Variants in CEP97 observed in about 807,000 individuals in gnomAD.
The protein encoded by CEP97 is centrosomal protein 97.
CEP97 carries 43 observed loss-of-function variants against 73.1 expected under a neutral mutation model. That is an observed-to-expected ratio of 0.59 (90% CI 0.46 to 0.76). CEP97 has a LOEUF of 0.76. Ranked by LOEUF, CEP97 falls within the 30% of genes least tolerant of loss-of-function variation. CEP97 has a pLI of 0.00. For synonymous variants in CEP97, 337 were observed against 370.0 expected, an observed-to-expected ratio of 0.91 and a Z score of 1.02; for missense variants, 939 against 1,014.0, an observed-to-expected ratio of 0.93 and a Z score of 1.00.
intron 10 of CEP97, chr3:101,763,310 A>T: frequency 1.2e-6 from 1 of 805,960 alleles, no homozygotes; most frequent in Non-Finnish European, 1.6e-6. Context: ...TTATAGAATA[A>T]TAATACTGTG....
Position 101,765,132 on chromosome 3 carries a change from G to C in CEP97, c.2179G>C (p.Gly727Arg). Residue 727 changes from glycine to arginine, a missense_variant, in exon 11 of 11, where the codon GGC becomes CGC. Physicochemically the swap from Gly to Arg is moderately radical, Grantham distance 125. Transcript: ENST00000341893. The part of the protein sequence containing the change: ...SLDFEKSSTE[G>R]SESSIMGNSI... ...GGATTTTGAGAAAAGTTCCACAGAA[G>C]GCAGTGAAAGCTCCATAATGGGGAA... 6.2e-7 allele frequency: 1 copy of C among 1,614,176 alleles called. No homozygotes were observed. Among genetic ancestry groups the C allele is most frequent in the Non-Finnish European group, 8.5e-7 (1 of 1,180,030 alleles).
intron 10 of CEP97, chr3:101,763,166 T>C: frequency 7.9e-7 from 1 of 1,267,880 alleles, no homozygotes; most frequent in African/African-American, 1.5e-5. Context: ...TCAAGCAGTC[T>C]TCCCTCCTCA....
At chr3:101,732,306 T>C (rs1195591914) in intron 5 of CEP97, among the ~76,000 whole-genome samples, 182 bp from the exon 6 acceptor site, 1 of 152,220 alleles carries the variant, frequency 6.6e-6, no homozygotes, top group Non-Finnish European at 1.5e-5. Flanking sequence ...CAGGGGATTT[T>C]GTGCAGCAGG....
At chr3:101,756,910 C>T (rs543463409) in intron 7 of CEP97, among the ~76,000 whole-genome samples, 153 bp from the exon 8 acceptor site, 5 of 152,312 alleles carry the variant, frequency 3.3e-5, no homozygotes, top group Non-Finnish European at 7.4e-5. Context: ...TTATCCAGTG[C>T]TTTCAAATGA....
At chr3:101,725,405 T>C (rs1937846343) in intron 1 of CEP97, among the ~76,000 whole-genome samples, 1 of 152,128 alleles carries the variant, frequency 6.6e-6, no homozygotes, top group Non-Finnish European at 1.5e-5. Context: ...CAGTCAGTCC[T>C]CTAAATCGGG....
rs763820022 is a variant in CEP97 at position 101,758,309 on chromosome 3, G to C, written c.1703G>C (p.Cys568Ser). 1.9e-6 allele frequency: 3 copies of C among 1,614,134 alleles called. No individual in the cohort carries two copies. In the African/African-American group the frequency reaches 4.0e-5, roughly 22 times the overall value. Residue 568 changes from cysteine (C) to serine (S), a missense_variant, in exon 9 of 11, where the codon TGT becomes TCT. By Grantham distance (112) the Cys-to-Ser change is moderately radical. Transcript: ENST00000341893. ...LNDAATKLQA[C>S]WRGFYARNYN... is the part of the protein sequence containing the mutation. The stretch of plus-strand genomic sequence containing the variant: ...GATGCAGCCACCAAGCTTCAGGCCT[G>C]TTGGCGGGGATTTTATGCCAGGAAC...
At chr3:101,730,232 T>A (rs930263489) in intron 4 of CEP97, among the ~76,000 whole-genome samples, 2 of 29,636 alleles carry the variant, frequency 6.7e-5, no homozygotes, top group Non-Finnish European at 1.5e-4. Flanking sequence ...GAGTCTGTTT[T>A]TTTGTTTTGT....
chr3:101,742,596 G>T (rs905493907), intron 6 of CEP97, among the ~76,000 whole-genome samples: 1 of 152,108 alleles, frequency 6.6e-6, no homozygotes, highest in Non-Finnish European at 1.5e-5. Context: ...TTGGGTGGGG[G>T]CTAGGGGAGT....
At position 101,727,470 on chromosome 3, in the gene CEP97, A is replaced by G; in HGVS notation, c.274A>G (p.Ile92Val). The G allele has an allele frequency of 6.2e-7, 1 of 1,613,992 alleles. No individual in the cohort carries two copies. The highest frequency in any genetic ancestry group is 8.5e-7 in the Non-Finnish European group (1 of 1,179,916). ...LRVLNLPHNS[I>V]GCVEGLKELV... The stretch of plus-strand genomic sequence containing the variant: ...TGTATTAAATTTGCCTCATAATAGC[A>G]TTGGCTGTGTGGAAGGGCTAAAGGA... Residue 92 changes from isoleucine to valine, a missense_variant, in exon 3 of 11, where the codon ATT becomes GTT. Physicochemically the swap from Ile to Val is conservative, Grantham distance 29 (BLOSUM62 3). Coordinates refer to ENST00000341893, the MANE Select transcript of CEP97 (RefSeq NM_024548.4).
Position 101,730,947 on chromosome 3 carries a change from A to T in CEP97, c.448-893A>T, listed in dbSNP as rs551417238. On this transcript the variant is annotated intron_variant, in intron 4 of 10. Coordinates refer to ENST00000341893, the MANE Select transcript of CEP97 (RefSeq NM_024548.4). ...CTAAGAGAATTCAAATGAACCAAAG[A>T]TGATTGAATTTTTTTTTTTTTTTTT... Among the ~76,000 whole-genome samples the T allele has an allele frequency of 3.3e-5, 5 of 151,412 alleles. No homozygotes were observed. In the South Asian group the frequency reaches 8.3e-4, roughly 25 times the overall value.
chr3:101,730,623 G>T, intron 4 of CEP97, among the ~76,000 whole-genome samples: 1 of 150,436 alleles, frequency 6.6e-6, no homozygotes, highest in South Asian at 2.1e-4. Flanking sequence ...TAAAGTAATA[G>T]GTATTAGCTA....
At chr3:101,748,129 CAAAA>C (rs71625598) in intron 6 of CEP97, among the ~76,000 whole-genome samples, 4 of 53,918 alleles carry the variant, frequency 7.4e-5, no homozygotes, top group Non-Finnish European at 1.3e-4. Flanking sequence ...GACCTTGTCT[CAAAA>C]AAAAAAAAAA....
At chr3:101,729,114 C>T (rs565179750) in intron 4 of CEP97, among the ~76,000 whole-genome samples, 177 bp downstream of exon 4, 12 of 151,982 alleles carry the variant, frequency 7.9e-5, no homozygotes, top group South Asian at 6.2e-4. Flanking sequence ...GAGGCTGAGG[C>T]GAGTGGATGG....
chr3:101,727,343 A>T (rs753533975), intron 2 of CEP97, 40 bp from the exon 3 acceptor site: 2 of 1,519,310 alleles, frequency 1.3e-6, no homozygotes, highest in Non-Finnish European at 1.8e-6. Context: ...TATTTTATAT[A>T]TGTTATTCCT....
At chr3:101,742,958 A>G (rs1938504788) in intron 6 of CEP97, among the ~76,000 whole-genome samples, 1 of 152,150 alleles carries the variant, frequency 6.6e-6, no homozygotes, top group Non-Finnish European at 1.5e-5. Context: ...ACAGGAAGAG[A>G]GCATGGCCGC....
At chr3:101,727,692 A>G (rs1937945451) in intron 3 of CEP97, 151 bp downstream of exon 3, 3 of 628,624 alleles carry the variant, frequency 4.8e-6, no homozygotes, top group Non-Finnish European at 7.9e-6. Context: ...TCTCATTTTG[A>G]AACATATAAT....
intron 6 of CEP97, among the ~76,000 whole-genome samples, chr3:101,752,377 A>T (rs1181348486): frequency 6.6e-6 from 1 of 151,906 alleles, no homozygotes; most frequent in East Asian, 1.9e-4. Flanking sequence ...TGTGTCTTGG[A>T]GTTGCTCTTC....
intron 1 of CEP97, among the ~76,000 whole-genome samples, chr3:101,725,676 G>A (rs1937858449): frequency 6.6e-6 from 1 of 152,116 alleles, no homozygotes; most frequent in South Asian, 2.1e-4. Flanking sequence ...AGAGCAATCT[G>A]GCATAATTAT....
At chr3:101,741,571 G>GA (rs1212594321) in intron 6 of CEP97, among the ~76,000 whole-genome samples, 2 of 151,864 alleles carry the variant, frequency 1.3e-5, no homozygotes, top group Admixed American at 1.3e-4. Flanking sequence ...AAATTTAAAA[G>GA]AAAAAAACCC....
Sources: allele counts gnomAD v4.1 joint callset (sites outside exome capture counted in the v4.1 genomes callset), GRCh38; gene constraint gnomAD v4.1.1; transcripts MANE v1.5; gene names NCBI Gene and HGNC (gene_info 2026-07-23, HGNC 2026-07-21).